Variants in NFS1 observed in about 807,000 individuals in gnomAD.
NFS1 encodes cysteine desulfurase.
A neutral mutation model predicts 57.3 loss-of-function variants in NFS1; 26 were observed. The observed-to-expected ratio is 0.45, with a 90% CI of 0.33 to 0.63. NFS1 has a LOEUF of 0.63. NFS1 is among the 20% of genes least tolerant of loss of function. NFS1 has a pLI of 0.02. For synonymous variants in NFS1, 209 were observed against 216.3 expected, an observed-to-expected ratio of 0.97 and a Z score of 0.30; for missense variants, 505 against 605.8, an observed-to-expected ratio of 0.83 and a Z score of 1.75.
intron 7 of NFS1, 25 bp downstream of exon 7, chr20:35,680,712 A>C: frequency 6.7e-7 from 1 of 1,483,486 alleles, no homozygotes; most frequent in Non-Finnish European, 9.0e-7. Context: ...GTACAGAGAG[A>C]AGGAACTCTA....
Position 35,674,959 on chromosome 20 carries a change from A to T in NFS1, c.948+86T>A, listed in dbSNP as rs1269052515. The stretch of plus-strand genomic sequence containing the variant: ...TCTTAAGCCCTCTCTCCCTGCAGAG[A>T]TCTGCCTCAGTCATGCTGAGAAGCC... On this transcript the variant is annotated intron_variant, in intron 8 of 12. Coordinates refer to ENST00000374092, the MANE Select transcript of NFS1 (RefSeq NM_021100.5). 6 of 1,559,082 alleles carry T rather than the reference A, an allele frequency of 3.8e-6. No individual in the cohort carries two copies. The Admixed American group carries it at 6.7e-5, about 17-fold the overall frequency.
intron 6 of NFS1, among the ~76,000 whole-genome samples, chr20:35,681,473 G>T (rs752420384): frequency 2.6e-5 from 4 of 152,166 alleles, no homozygotes; most frequent in Non-Finnish European, 4.4e-5. Context: ...CAAGGCAGAC[G>T]GATCACCTGA....
chr20:35,692,526 C>CCAAAAA (rs1568965170), intron 4 of NFS1, among the ~76,000 whole-genome samples: 2 of 60,398 alleles, frequency 3.3e-5, no homozygotes, highest in African/African-American at 1.5e-4. Context: ...ATCATCTATA[C>CCAAAAA]TAAAAAAAAA....
chr20:35,695,460 G>A (rs1479765313), intron 4 of NFS1, among the ~76,000 whole-genome samples: 5 of 152,218 alleles, frequency 3.3e-5, no homozygotes, highest in African/African-American at 1.2e-4. Context: ...ACCAGGCCCA[G>A]TGAAATCTGA....
At chr20:35,698,356 C>T (rs2035176892) in intron 2 of NFS1, 125 bp downstream of exon 2, 1 of 742,454 alleles carries the variant, frequency 1.3e-6, no homozygotes, top group Non-Finnish European at 2.2e-6. Context: ...CCCGACTCCT[C>T]GCTCAGTGCT....
intron 7 of NFS1, among the ~76,000 whole-genome samples, chr20:35,677,431 G>GAGGCTAAGGCAGGAGGATCACTT (rs1466361973): frequency 1.1e-4 from 17 of 152,050 alleles, no homozygotes; most frequent in Non-Finnish European, 1.3e-4. Context: ...AGCTACTCTG[G>GAGGCTAAGGCAGGAGGATCACTT]AGGCTAAGGC....
intron 11 of NFS1, among the ~76,000 whole-genome samples, chr20:35,673,289 G>GA (rs72118863): frequency 0.21 from 30,309 of 141,200 alleles, 3,133 homozygotes; most frequent in South Asian, 0.35. Flanking sequence ...CTCTGTCTCA[G>GA]AAAAAAAAAA....
At chr20:35,694,685 C>G (rs1385880102) in intron 4 of NFS1, 1 of 151,936 alleles carries the variant, frequency 6.6e-6, no homozygotes, top group Non-Finnish European at 1.5e-5. Flanking sequence ...GTCAGGAGAT[C>G]GAGACCATTC....
chr20:35,696,452 T>C lies in NFS1; in HGVS notation c.333A>G (p.Ala111=), dbSNP rs778023828. 10 of 1,613,576 alleles carry C rather than the reference T, an allele frequency of 6.2e-6. No homozygotes were observed. Among genetic ancestry groups the C allele is most frequent in the Non-Finnish European group, 7.6e-6 (9 of 1,179,514 alleles). ...CACGAGGATCAGCTCCAATCAGAGA[T>C]GCTACTTGCTGCAAGCCAAGAAACA... ...AAMERARQQV[A]SLIGADPREI... The change falls in exon 4 of 13, where the codon GCA becomes GCG. Residue 111 remains alanine (A), a synonymous_variant. Transcript: ENST00000374092.
chr20:35,682,085 C>T (rs1353263588), intron 5 of NFS1, 104 bp from the exon 6 acceptor site: 9 of 563,432 alleles, frequency 1.6e-5, no homozygotes, highest in East Asian at 2.9e-5. Flanking sequence ...TACTACATAC[C>T]TATCTGAATA....
At chr20:35,687,600 C>T (rs1182874356) in intron 5 of NFS1, among the ~76,000 whole-genome samples, 3 of 152,152 alleles carry the variant, frequency 2.0e-5, no homozygotes, top group Admixed American at 1.3e-4. Context: ...TACCAGTCTC[C>T]GTGCCTTGGT....
intron 7 of NFS1, among the ~76,000 whole-genome samples, chr20:35,680,320 A>G (rs1309962334): frequency 6.6e-6 from 1 of 152,058 alleles, no homozygotes; most frequent in African/African-American, 2.4e-5. Context: ...AAAAAAAAAG[A>G]ACACAAAGAG....
intron 5 of NFS1, among the ~76,000 whole-genome samples, chr20:35,687,336 G>A (rs931469014): frequency 6.6e-6 from 1 of 152,100 alleles, no homozygotes; most frequent in African/African-American, 2.4e-5. Flanking sequence ...CTGCCTTTTC[G>A]TTAGCAGTAG....
intron 4 of NFS1, among the ~76,000 whole-genome samples, chr20:35,693,687 G>A (rs963403209): frequency 6.6e-6 from 1 of 152,078 alleles, no homozygotes; most frequent in Non-Finnish European, 1.5e-5. Flanking sequence ...TAACAGGCCG[G>A]GCGCGGTGGT....
intron 3 of NFS1, 98 bp from the exon 4 acceptor site, chr20:35,696,558 C>T (rs2035137316): frequency 4.9e-6 from 4 of 812,672 alleles, no homozygotes; most frequent in Admixed American, 3.9e-5. Context: ...AAGAGCTCCA[C>T]TGCATTCCAC....
intron 5 of NFS1, among the ~76,000 whole-genome samples, chr20:35,688,713 AAAAG>A (rs1019404568): frequency 4.6e-5 from 7 of 151,932 alleles, no homozygotes. Flanking sequence ...TGTCTCCAAA[AAAAG>A]AAAGACAGAG....
At chr20:35,672,654 G>C (rs1190937534) in intron 12 of NFS1, 101 bp downstream of exon 12, 1 of 772,328 alleles carries the variant, frequency 1.3e-6, no homozygotes, top group Admixed American at 2.0e-5. Flanking sequence ...ATCCAAGTAC[G>C]CTTGAACTTT....
chr20:35,695,460 G>C (rs1479765313), intron 4 of NFS1, among the ~76,000 whole-genome samples: 1 of 152,218 alleles, frequency 6.6e-6, no homozygotes, highest in Non-Finnish European at 1.5e-5. Context: ...ACCAGGCCCA[G>C]TGAAATCTGA....
At chr20:35,697,941 G>C (rs1177765477) in intron 2 of NFS1, 141 bp from the exon 3 acceptor site, 2 of 575,942 alleles carry the variant, frequency 3.5e-6, no homozygotes, top group Non-Finnish European at 6.2e-6. Context: ...ACATTCTTTT[G>C]TTCCCACAAA....
Sources: allele counts gnomAD v4.1 joint callset (sites outside exome capture counted in the v4.1 genomes callset), GRCh38; gene constraint gnomAD v4.1.1; transcripts MANE v1.5; gene names NCBI Gene and HGNC (gene_info 2026-07-23, HGNC 2026-07-21).